GBP4: variants seen among roughly 807,000 people sequenced by gnomAD.
GBP4 encodes the protein guanylate-binding protein 4.
GBP4 carries 69 observed loss-of-function variants against 62.2 expected under a neutral mutation model. The observed-to-expected ratio is 1.11, with a 90% CI of 0.91 to 1.36. GBP4 has a LOEUF of 1.36. Among genes scored for constraint, GBP4 ranks in the 40% most tolerant of loss-of-function variants. The probability of loss-of-function intolerance (pLI) is 0.00; values close to 1 mark genes in which losing one functional copy is unlikely to be tolerated. For missense variants in GBP4, 697 were observed against 759.3 expected, an observed-to-expected ratio of 0.92 and a Z score of 0.96; for synonymous variants, 278 against 274.6, an observed-to-expected ratio of 1.01 and a Z score of -0.12.
In GBP4 at chr1:89,190,171, T is replaced by C. The variant is rs1309268994; in HGVS notation, c.1064A>G (p.Gln355Arg). The change falls in exon 7 of 11, where the codon CAG becomes CGG. Residue 355 changes from glutamine (Q) to arginine (R), a missense_variant. Around this residue, in one of 2 missense-constraint regions of GBP4, gnomAD observed 556 missense variants for 562.7 expected, o/e 0.99. Coordinates refer to ENST00000355754, the MANE Select transcript of GBP4 (RefSeq NM_052941.5). The stretch of plus-strand genomic sequence containing the variant: ...CGTGTCTGTGGGGAGCCTCAGTTGC[T>C]GGGCCATCTGCTGGCTATAGTGGTC... ...AADHYSQQMA[Q>R]QLRLPTDTLQ... 6 of 1,614,056 alleles carry C rather than the reference T, an allele frequency of 3.7e-6. No individual in the cohort carries two copies. The African/African-American group carries it at 8.0e-5, about 22-fold the overall frequency.
In GBP4 at chr1:89,198,813, C is replaced by G. The variant is rs760389180; in HGVS notation, c.22G>C (p.Ala8Pro). Residue 8 changes from alanine to proline, a missense_variant, in exon 1 of 11, where the codon GCT becomes CCT. Physicochemically the swap from Ala to Pro is conservative, Grantham distance 27. Transcript: ENST00000355754. The stretch of plus-strand genomic sequence containing the variant: ...AACTTACCTGGTGTGGGCACTGCAG[C>G]GTGAAGAGTTCTCTCACCCATTGCT... MGERTLHAAVPTPGYPES... is the reference protein window; with the variant it reads MGERTLHPAVPTPGYPES... The G allele has an allele frequency of 1.8e-5, 29 of 1,613,796 alleles. No homozygotes were observed. The Admixed American group carries it at 4.3e-4, about 24-fold the overall frequency.
chr1:89,185,233 T>G lies in GBP4; in HGVS notation c.*21A>C. On this transcript the variant is annotated 3_prime_UTR_variant, in exon 11 of 11. Coordinates refer to ENST00000355754, the MANE Select transcript of GBP4 (RefSeq NM_052941.5). ...AAAATAAACCTCATTTTATATTTTC[T>G]TACCTGGAATATTCAGGCTCTTAAA... 1 of 1,402,732 alleles carries G rather than the reference T, an allele frequency of 7.1e-7. No individual in the cohort carries two copies. The highest frequency in any genetic ancestry group is 1.0e-6 in the Non-Finnish European group (1 of 994,038). 86.9% of individuals were successfully genotyped at this position (1,402,732 alleles called of 1,614,324 possible).
In GBP4 at chr1:89,197,288, T is replaced by C. The variant is rs149875292; in HGVS notation, c.57A>G (p.Glu19=). The C allele has an allele frequency of 2.7e-4, 431 of 1,613,796 alleles. 2 individuals carry two copies. Among genetic ancestry groups the C allele is most frequent in the Non-Finnish European group, 3.3e-4 (391 of 1,179,866 alleles). ...GACAAATGGGGGCCATCATGATGGA[T>C]TCAGATTCTGGATAACCTGTAACCC... The part of the protein sequence containing the change: ...AVPTPGYPES[E]SIMMAPICLV... Residue 19 remains glutamate (E), a synonymous_variant, in exon 2 of 11, where the codon GAA becomes GAG. Coordinates refer to ENST00000355754, the MANE Select transcript of GBP4 (RefSeq NM_052941.5).
At position 89,190,192 on chromosome 1, in the gene GBP4, T is replaced by TG; in HGVS notation, c.1042dup (p.His348ProfsTer3). The TG allele has an allele frequency of 6.2e-7, 1 of 1,614,186 alleles. No homozygotes were observed. The highest frequency in any genetic ancestry group is 8.5e-7 in the Non-Finnish European group (1 of 1,180,016). On this transcript the variant is annotated frameshift_variant, in exon 7 of 11. Transcript: ENST00000355754. LOFTEE classifies it high-confidence loss of function. ...TTGCTGGGCCATCTGCTGGCTATAG[T>TG]GGTCGGCTGCCCTCTGCACAGCCGC...
intron 5 of GBP4, among the ~76,000 whole-genome samples, chr1:89,192,487 A>G (rs1224269096): frequency 1.3e-5 from 2 of 152,174 alleles, no homozygotes; most frequent in African/African-American, 4.8e-5. Flanking sequence ...CCAAAGTTAG[A>G]TCATTTGACT....
chr1:89,191,689 G>A (rs1486880387), intron 5 of GBP4, among the ~76,000 whole-genome samples, 183 bp from the exon 6 acceptor site: 3 of 152,180 alleles, frequency 2.0e-5, no homozygotes, highest in Non-Finnish European at 4.4e-5. Context: ...TTTTGTACAG[G>A]AGCGAGAGTC....
Position 89,192,891 on chromosome 1 carries a change from C to T in GBP4, c.670+13G>A. 2.5e-6 allele frequency: 4 copies of T among 1,611,798 alleles called. No individual in the cohort carries two copies. Among genetic ancestry groups the T allele is most frequent in the Non-Finnish European group, 2.5e-6 (3 of 1,178,282 alleles). ...CCACTGAACCTTCCCACATCCAGGCCATGCTCTGATACCTGGAATCAGCTT... is the reference window on the plus strand; with the variant it reads ...CCACTGAACCTTCCCACATCCAGGCTATGCTCTGATACCTGGAATCAGCTT... On this transcript the variant is annotated intron_variant, in intron 5 of 10. Transcript: ENST00000355754.
At position 89,185,282 on chromosome 1, in the gene GBP4, C is replaced by T. The variant is rs773922339; in HGVS notation, c.1895G>A (p.Gly632Glu). Reference sequence around the variant, plus strand: ...AATACGTGAGCCAAGATATTTTGTCCCTACTCCAAGTAGCTTGGAAGCCCC... The same window carrying T: ...AATACGTGAGCCAAGATATTTTGTCTCTACTCCAAGTAGCTTGGAAGCCCC... ...LPGASKLLGV[G>E]TKYLGSRI The change falls in exon 11 of 11, where the codon GGG becomes GAG. Residue 632 changes from glycine to glutamate, a missense_variant. Coordinates refer to ENST00000355754, the MANE Select transcript of GBP4 (RefSeq NM_052941.5). 6.2e-7 allele frequency: 1 copy of T among 1,611,976 alleles called. No homozygotes were observed. Among genetic ancestry groups the T allele is most frequent in the Non-Finnish European group, 8.5e-7 (1 of 1,178,288 alleles).
rs1455655772 is a variant in GBP4 at position 89,187,043 on chromosome 1, C to T, written c.1470G>A (p.Leu490=). ...CAGCAGTGAGGGCTTTGTCTGACTG[C>T]AGGATGGATTCCTCTACAACCACCT... is the stretch of plus-strand genomic sequence containing the variant. ...QSQVVVEESI[L]QSDKALTAGE... Residue 490 remains leucine, a synonymous_variant, in exon 9 of 11, where the codon CTG becomes CTA. Transcript: ENST00000355754. 3 of 1,614,098 alleles carry T rather than the reference C, an allele frequency of 1.9e-6. No individual in the cohort carries two copies. In the East Asian group the frequency reaches 6.7e-5, roughly 36 times the overall value.
chr1:89,190,001 A>T (rs559571426), intron 7 of GBP4, 37 bp downstream of exon 7: 1 of 1,569,688 alleles, frequency 6.4e-7, no homozygotes, highest in African/African-American at 1.3e-5. Flanking sequence ...ATCATTTCGG[A>T]AGGGCAGAAA....
At chr1:89,196,658 G>T (rs1648349048) in intron 2 of GBP4, among the ~76,000 whole-genome samples, 1 of 152,144 alleles carries the variant, frequency 6.6e-6, no homozygotes, top group Non-Finnish European at 1.5e-5. Context: ...TCAGAGTTTT[G>T]CCATGAAATG....
At chr1:89,187,573 A>G (rs1193374330) in intron 8 of GBP4, among the ~76,000 whole-genome samples, 3 of 152,348 alleles carry the variant, frequency 2.0e-5, no homozygotes, top group East Asian at 3.9e-4. Flanking sequence ...CTTGCACACC[A>G]TAAATCTGAT....
intron 1 of GBP4, 66 bp downstream of exon 1, chr1:89,198,729 G>A (rs1484185317): frequency 7.2e-7 from 1 of 1,381,210 alleles, no homozygotes; most frequent in Non-Finnish European, 1.0e-6. Flanking sequence ...GTCTGCGCTT[G>A]GGAATTTGTT....
chr1:89,197,538 C>T (rs1002753294), intron 1 of GBP4, among the ~76,000 whole-genome samples: 1 of 152,012 alleles, frequency 6.6e-6, no homozygotes, highest in Non-Finnish European at 1.5e-5. Context: ...AAGACTAGTA[C>T]AGATCTGTTA....
rs995436268 is a variant in GBP4, at chr1:89,197,044, G to C, written c.235+66C>G. 11 of 1,367,414 alleles carry C rather than the reference G, an allele frequency of 8.0e-6. No individual in the cohort carries two copies. In the African/African-American group the frequency reaches 1.3e-4, roughly 16 times the overall value. The allele number at this position is 1,367,414 out of a possible 1,614,324, so 84.7% of individuals were successfully genotyped here. Reference sequence around the variant, plus strand: ...GCCCTTCTTTAGGATGACCCTAGAGGGGGTGTGATCAGCTGTGTTATCACT... The same window carrying C: ...GCCCTTCTTTAGGATGACCCTAGAGCGGGTGTGATCAGCTGTGTTATCACT... On this transcript the variant is annotated intron_variant, in intron 2 of 10. Transcript: ENST00000355754.
intron 8 of GBP4, among the ~76,000 whole-genome samples, 153 bp downstream of exon 8, chr1:89,188,425 TCTAA>T (rs550462092): frequency 9.1e-4 from 139 of 152,314 alleles, no homozygotes; most frequent in Non-Finnish European, 1.3e-3. Flanking sequence ...CTTAAGAGTG[TCTAA>T]CTAACTGTGG....
Position 89,195,364 on chromosome 1 carries a change from G to A in GBP4, c.296C>T (p.Pro99Leu), listed in dbSNP as rs377121939. ...ETKGIWMWCV[P>L]HLSKPNHTLV... Reference sequence around the variant, plus strand: ...GGTGTGGTTTGGCTTAGAGAGGTGGGGCACACACCACATCCAGATGCCCTT... The same window carrying A: ...GGTGTGGTTTGGCTTAGAGAGGTGGAGCACACACCACATCCAGATGCCCTT... Residue 99 changes from proline to leucine, a missense_variant, in exon 3 of 11, where the codon CCC (proline) becomes CTC (leucine). Transcript: ENST00000355754. The A allele has an allele frequency of 4.3e-6, 7 of 1,613,886 alleles. No homozygotes were observed. The Admixed American group carries it at 6.7e-5, about 15-fold the overall frequency.
chr1:89,195,815 AG>A (rs1374747496), intron 2 of GBP4, among the ~76,000 whole-genome samples: 4 of 152,210 alleles, frequency 2.6e-5, no homozygotes, highest in African/African-American at 9.7e-5. Flanking sequence ...TTAAAAAAAA[AG>A]CTTTCACAAA....
chr1:89,191,616 C>A, intron 5 of GBP4, 110 bp from the exon 6 acceptor site: 1 of 1,117,750 alleles, frequency 8.9e-7, no homozygotes, highest in Non-Finnish European at 1.3e-6. Flanking sequence ...CCTTGTAAAT[C>A]TTGTTTTATG....
Sources: allele counts gnomAD v4.1 joint callset (sites outside exome capture counted in the v4.1 genomes callset), GRCh38; gene constraint gnomAD v4.1.1; regional missense constraint gnomAD v4.1.1; transcripts MANE v1.5; gene names NCBI Gene and HGNC (gene_info 2026-07-23, HGNC 2026-07-21).